Variants in CEP70 observed in about 807,000 individuals in gnomAD.
The protein encoded by CEP70 is centrosomal protein of 70 kDa.
CEP70 carries 70 observed loss-of-function variants against 90.9 expected under a neutral mutation model. The observed-to-expected ratio is 0.77, with a 90% CI of 0.64 to 0.94. The LOEUF is 0.94. Ranked by LOEUF, CEP70 falls within the 40% of genes least tolerant of loss-of-function variation. The pLI, the probability that CEP70 is intolerant of heterozygous loss-of-function variation, is 0.00. For missense variants in CEP70, 648 were observed against 669.0 expected, an observed-to-expected ratio of 0.97 and a Z score of 0.35; for synonymous variants, 220 against 228.3, an observed-to-expected ratio of 0.96 and a Z score of 0.33.
At chr3:138,497,748 A>G (rs1451350749) in intron 17 of CEP70, 26 of 985,280 alleles carry the variant, frequency 2.6e-5, no homozygotes, top group Non-Finnish European at 3.1e-5. Flanking sequence ...TCATTAGACA[A>G]TGACAGAGCC....
chr3:138,504,284 G>A (rs2034779229), intron 13 of CEP70, among the ~76,000 whole-genome samples: 1 of 152,046 alleles, frequency 6.6e-6, no homozygotes, highest in Non-Finnish European at 1.5e-5. Flanking sequence ...GTATTGTATA[G>A]CTCTGTCTGA....
intron 6 of CEP70, among the ~76,000 whole-genome samples, chr3:138,548,654 TA>T (rs2039394423): frequency 6.6e-6 from 1 of 152,146 alleles, no homozygotes; most frequent in Middle Eastern, 3.2e-3. Flanking sequence ...AACTACAGTG[TA>T]AAGAAACAAG....
In CEP70 at chr3:138,496,540, T is replaced by C. The variant is rs1338413028; in HGVS notation, c.1733-1464A>G. 3 of 985,304 alleles carry C rather than the reference T, an allele frequency of 3.0e-6. No individual in the cohort carries two copies. In the East Asian group the frequency reaches 3.4e-4, roughly 112 times the overall value. The allele number at this position is 985,304 out of a possible 1,614,324, so 61.0% of individuals were successfully genotyped here. A position where few individuals can be genotyped will look rare whatever the true frequency, so the allele number is the denominator to read the frequency against. Reference sequence around the variant, plus strand: ...TTAAGTGAGAAACCTGCCTTACAAATGAACCTCACAGCAAAGGACCTTGGC... The same window carrying C: ...TTAAGTGAGAAACCTGCCTTACAAACGAACCTCACAGCAAAGGACCTTGGC... On this transcript the variant is annotated intron_variant, in intron 17 of 17. Transcript: ENST00000264982.
chr3:138,587,971 C>T (rs999473740), intron 2 of CEP70, among the ~76,000 whole-genome samples: 1 of 148,526 alleles, frequency 6.7e-6, no homozygotes, highest in Non-Finnish European at 1.5e-5. Context: ...ACCAAAGATA[C>T]GAAGGTAATT....
At chr3:138,580,725 T>C (rs568622354) in intron 2 of CEP70, among the ~76,000 whole-genome samples, 168 of 152,186 alleles carry the variant, frequency 1.1e-3, no homozygotes, top group African/African-American at 3.9e-3. Context: ...ACCTTTCAGA[T>C]AGAATTCAAA....
Position 138,554,523 on chromosome 3 carries a change from G to A in CEP70, c.465+15795C>T, listed in dbSNP as rs76648443. ...CACCCAAATCAGTAAAGAGGAAGTC[G>A]AACTACTGCTGTTCACTGGCAATAT... On this transcript the variant is annotated intron_variant, in intron 6 of 17. Coordinates refer to ENST00000264982, the MANE Select transcript of CEP70 (RefSeq NM_024491.4). Among the ~76,000 whole-genome samples, 807 of 152,168 alleles carry A rather than the reference G, an allele frequency of 5.3e-3. 7 individuals carry two copies. Among genetic ancestry groups the A allele is most frequent in the African/African-American group, 0.018 (750 of 41,524 alleles).
At chr3:138,499,367 T>A (rs1278082471) in intron 16 of CEP70, among the ~76,000 whole-genome samples, 1 of 152,200 alleles carries the variant, frequency 6.6e-6, no homozygotes, top group African/African-American at 2.4e-5. Flanking sequence ...TCCTCAACAT[T>A]TATCTTCTAA....
rs2037875992 is a variant in CEP70 at position 138,532,062 on chromosome 3, T to C, written c.692+452A>G. Among the ~76,000 whole-genome samples, 3 of 152,204 alleles carry C rather than the reference T, an allele frequency of 2.0e-5. No homozygotes were observed. The South Asian group carries it at 6.2e-4, about 31-fold the overall frequency. ...AAGACCATTTATCTCTATGCTTATT[T>C]AATCAGGTGATAAGTGTGTTTTAAT... On this transcript the variant is annotated intron_variant, in intron 8 of 17. Coordinates refer to ENST00000264982, the MANE Select transcript of CEP70 (RefSeq NM_024491.4).
intron 11 of CEP70, among the ~76,000 whole-genome samples, chr3:138,523,046 C>A (rs1454174050): frequency 6.6e-6 from 1 of 152,146 alleles, no homozygotes; most frequent in Non-Finnish European, 1.5e-5. Flanking sequence ...GGGCTTTATC[C>A]CTGGGATGCA....
At chr3:138,576,205 C>T (rs1459092760) in intron 2 of CEP70, among the ~76,000 whole-genome samples, 3 of 152,008 alleles carry the variant, frequency 2.0e-5, no homozygotes, top group Non-Finnish European at 4.4e-5. Context: ...TTCAGGAGAC[C>T]CATCTCATGT....
chr3:138,545,531 C>T (rs899251409), intron 6 of CEP70, among the ~76,000 whole-genome samples: 2 of 152,084 alleles, frequency 1.3e-5, no homozygotes, highest in East Asian at 1.9e-4. Flanking sequence ...TGAAAAAGAA[C>T]AGAATAACAG....
chr3:138,540,243 C>A (rs1196680973), intron 6 of CEP70, among the ~76,000 whole-genome samples: 1 of 151,820 alleles, frequency 6.6e-6, no homozygotes, highest in Non-Finnish European at 1.5e-5. Context: ...GCCTGTAATC[C>A]CAACACTTTG....
intron 3 of CEP70, 105 bp downstream of exon 3, chr3:138,572,753 AT>A: frequency 1.3e-6 from 1 of 794,544 alleles, no homozygotes; most frequent in East Asian, 2.4e-5. Context: ...ATTTCCTAAA[AT>A]TATTTGAGAA....
intron 6 of CEP70, among the ~76,000 whole-genome samples, chr3:138,555,850 G>A (rs550996718): frequency 2.4e-4 from 37 of 152,336 alleles, no homozygotes; most frequent in African/African-American, 8.7e-4. Flanking sequence ...ATGGAAAACA[G>A]TGTGGAGATT....
chr3:138,510,856 C>CTTTTTT (rs869032871), intron 11 of CEP70, among the ~76,000 whole-genome samples: 8 of 107,016 alleles, frequency 7.5e-5, no homozygotes, highest in African/African-American at 1.6e-4. Context: ...CTTTTTCCAT[C>CTTTTTT]TTTTTTTTTT....
At chr3:138,588,634 G>A (rs1480691556) in intron 2 of CEP70, among the ~76,000 whole-genome samples, 1 of 152,202 alleles carries the variant, frequency 6.6e-6, no homozygotes, top group African/African-American at 2.4e-5. Flanking sequence ...ACTGCCGACG[G>A]GAATTTAAAC....
intron 6 of CEP70, among the ~76,000 whole-genome samples, chr3:138,541,900 A>G (rs937785019): frequency 6.6e-5 from 10 of 152,262 alleles, no homozygotes; most frequent in African/African-American, 2.4e-4. Context: ...GCATGCACCT[A>G]TGATCCCAGC....
chr3:138,559,403 A>C (rs1345528906), intron 6 of CEP70, among the ~76,000 whole-genome samples: 5 of 152,218 alleles, frequency 3.3e-5, no homozygotes, highest in Non-Finnish European at 5.9e-5. Context: ...GATAAATCAA[A>C]AGAAAACTCG....
chr3:138,582,418 G>A (rs2041910801), intron 2 of CEP70, among the ~76,000 whole-genome samples: 1 of 151,972 alleles, frequency 6.6e-6, no homozygotes, highest in African/African-American at 2.4e-5. Flanking sequence ...GCTGCAGTGA[G>A]CCAAGATAGC....
Sources: gnomAD v4.1 joint callset for allele counts (sites outside exome capture counted in the v4.1 genomes callset) on GRCh38, gnomAD v4.1.1 for gene constraint, MANE v1.5 for transcripts, NCBI Gene and HGNC (gene_info 2026-07-23, HGNC 2026-07-21) for gene names.